Variants in LRCH1 observed in about 807,000 individuals in gnomAD.
The protein encoded by LRCH1 is leucine rich repeats and calponin homology domain containing 1.
Under a neutral mutation model 94.9 loss-of-function variants are expected in LRCH1, and 23 were observed. The observed-to-expected ratio is 0.24, with a 90% CI of 0.17 to 0.34. LRCH1 has a LOEUF of 0.34. Ranked by LOEUF, LRCH1 falls within the 10% of genes least tolerant of loss-of-function variation. The pLI, the probability that LRCH1 is intolerant of heterozygous loss-of-function variation, is 1.00. For synonymous variants in LRCH1, 364 were observed against 354.9 expected, an observed-to-expected ratio of 1.03 and a Z score of -0.29; for missense variants, 790 against 945.9, an observed-to-expected ratio of 0.84 and a Z score of 2.16.
intron 6 of LRCH1, among the ~76,000 whole-genome samples, chr13:46,688,235 A>G (rs1378513547): frequency 6.6e-6 from 1 of 152,270 alleles, no homozygotes; most frequent in Non-Finnish European, 1.5e-5. Flanking sequence ...CTCCTAATCA[A>G]TAATCAGTTC....
At chr13:46,686,612 A>G (rs1870628364) in intron 5 of LRCH1, among the ~76,000 whole-genome samples, 1 of 152,092 alleles carries the variant, frequency 6.6e-6, no homozygotes, top group South Asian at 2.1e-4. Context: ...GGAGAATGGG[A>G]CCGAGGGGCA....
At chr13:46,615,290 G>A (rs1360541766) in intron 1 of LRCH1, among the ~76,000 whole-genome samples, 2 of 152,194 alleles carry the variant, frequency 1.3e-5, no homozygotes, top group Non-Finnish European at 2.9e-5. Flanking sequence ...GGGGGAGCAG[G>A]CAAGACACAC....
intron 12 of LRCH1, 49 bp from the exon 13 acceptor site, chr13:46,705,219 G>C (rs771394596): frequency 6.3e-7 from 1 of 1,586,388 alleles, no homozygotes; most frequent in Admixed American, 1.8e-5. Context: ...ACATTTCTAT[G>C]CTTTAAATTT....
chr13:46,595,575 A>G (rs749441562), intron 1 of LRCH1, among the ~76,000 whole-genome samples: 3 of 152,260 alleles, frequency 2.0e-5, no homozygotes, highest in Non-Finnish European at 4.4e-5. Context: ...GGCTGAAGCC[A>G]CATCTGCACT....
At chr13:46,672,343 T>C (rs1028472513) in intron 3 of LRCH1, among the ~76,000 whole-genome samples, 3 of 152,126 alleles carry the variant, frequency 2.0e-5, no homozygotes, top group African/African-American at 7.2e-5. Flanking sequence ...GTTGCTTTTT[T>C]TTTTCATTAT....
At chr13:46,652,011 C>T in intron 2 of LRCH1, among the ~76,000 whole-genome samples, 1 of 94,202 alleles carries the variant, frequency 1.1e-5, no homozygotes, top group African/African-American at 3.5e-5. Context: ...CCTCAGCCTC[C>T]CAAGTAGCTG....
At chr13:46,635,526 A>G (rs192615080) in intron 1 of LRCH1, among the ~76,000 whole-genome samples, 15 of 125,596 alleles carry the variant, frequency 1.2e-4, no homozygotes, top group African/African-American at 4.3e-4. Context: ...GCCAGAGTGC[A>G]GTGGCACGAT....
intron 2 of LRCH1, among the ~76,000 whole-genome samples, chr13:46,651,168 G>A (rs1344350230): frequency 1.3e-5 from 2 of 152,198 alleles, no homozygotes; most frequent in Non-Finnish European, 2.9e-5. Flanking sequence ...AAGCCTGAAT[G>A]TAGCCTTTAC....
chr13:46,627,712 T>C (rs1040334612), intron 1 of LRCH1, among the ~76,000 whole-genome samples: 2 of 152,204 alleles, frequency 1.3e-5, no homozygotes, highest in Non-Finnish European at 2.9e-5. Flanking sequence ...ACACTGTTCC[T>C]GCCTTGATAT....
At chr13:46,710,207 A>C (rs1871987611) in intron 13 of LRCH1, among the ~76,000 whole-genome samples, 1 of 152,076 alleles carries the variant, frequency 6.6e-6, no homozygotes, top group Non-Finnish European at 1.5e-5. Flanking sequence ...TGCAGTCCTG[A>C]GCTTGTTTTA....
At chr13:46,674,505 A>G (rs562712521) in intron 3 of LRCH1, among the ~76,000 whole-genome samples, 1 of 152,176 alleles carries the variant, frequency 6.6e-6, no homozygotes, top group Non-Finnish European at 1.5e-5. Context: ...CTCCAGGGTC[A>G]TTTCAGATGG....
intron 1 of LRCH1, among the ~76,000 whole-genome samples, chr13:46,577,916 C>T (rs971060742): frequency 2.6e-5 from 4 of 152,228 alleles, no homozygotes; most frequent in African/African-American, 9.6e-5. Context: ...CTTGGTTCTG[C>T]TCCTGTGGCA....
intron 6 of LRCH1, 80 bp downstream of exon 6, chr13:46,688,059 G>A: frequency 7.1e-7 from 1 of 1,404,362 alleles, no homozygotes. Flanking sequence ...TTCAAAATCT[G>A]TTTGTTTTAA....
rs973696859 is a variant in LRCH1 at position 46,635,763 on chromosome 13, A to G, written c.308-14438A>G. 4.6e-5 allele frequency among the ~76,000 whole-genome samples: 7 copies of G among 151,850 alleles called. No homozygotes were observed. The East Asian group carries it at 7.8e-4, about 17-fold the overall frequency. On this transcript the variant is annotated intron_variant, in intron 1 of 19. Transcript: ENST00000389797. Reference sequence around the variant, plus strand: ...TGGGATTACAGGCGTGAGCCACCGCACCCGGCCCCCTCCCACCTTTTTAAG... The same window carrying G: ...TGGGATTACAGGCGTGAGCCACCGCGCCCGGCCCCCTCCCACCTTTTTAAG...
intron 1 of LRCH1, among the ~76,000 whole-genome samples, chr13:46,630,232 C>T (rs1035856166): frequency 6.6e-6 from 1 of 152,156 alleles, no homozygotes; most frequent in African/African-American, 2.4e-5. Context: ...GTCCCTGAGG[C>T]ATAATCAGTG....
chr13:46,726,887 G>GAAAC (rs1566252170), intron 17 of LRCH1, among the ~76,000 whole-genome samples: 51 of 135,154 alleles, frequency 3.8e-4, no homozygotes, highest in Admixed American at 7.9e-4. Context: ...AAAAAAAAAG[G>GAAAC]CAACTAAAAC....
intron 1 of LRCH1, among the ~76,000 whole-genome samples, chr13:46,557,241 C>A: frequency 6.6e-6 from 1 of 150,644 alleles, no homozygotes. Flanking sequence ...GTATTTTGTA[C>A]AATTAAAAGT....
chr13:46,564,202 C>T lies in LRCH1; in HGVS notation c.307+10499C>T, dbSNP rs573418906. Among the ~76,000 whole-genome samples the T allele has an allele frequency of 3.9e-3, 591 of 152,318 alleles. 4 individuals carry two copies. Among genetic ancestry groups the T allele is most frequent in the South Asian group, 0.026 (125 of 4,830 alleles). On this transcript the variant is annotated intron_variant, in intron 1 of 19. Transcript: ENST00000389797. ...AAGGAGTGTGCTGGGCAGCCCCCGACTCACAAACGGGGCCATCAGCCTTTC... is the reference window on the plus strand; with the variant it reads ...AAGGAGTGTGCTGGGCAGCCCCCGATTCACAAACGGGGCCATCAGCCTTTC...
chr13:46,675,440 A>G (rs1021956082), intron 3 of LRCH1, among the ~76,000 whole-genome samples: 4 of 152,232 alleles, frequency 2.6e-5, no homozygotes, highest in African/African-American at 9.6e-5. Flanking sequence ...AGAACACAGT[A>G]TCTCTGATTT....
Sources: allele counts gnomAD v4.1 joint callset (sites outside exome capture counted in the v4.1 genomes callset), GRCh38; gene constraint gnomAD v4.1.1; transcripts MANE v1.5; gene names NCBI Gene and HGNC (gene_info 2026-07-23, HGNC 2026-07-21).